Variants in VPS35L observed in about 807,000 individuals in gnomAD.
VPS35L encodes the protein VPS35 endosomal protein-sorting factor-like.
In VPS35L, 83 loss-of-function variants were observed where a neutral mutation model predicts 133.0. The observed-to-expected ratio is 0.62, with a 90% CI of 0.52 to 0.75. The LOEUF (loss-of-function observed/expected upper bound fraction) is 0.75, where lower values mean the gene tolerates loss of function less well. Ranked by LOEUF, VPS35L falls within the 30% of genes least tolerant of loss-of-function variation. The pLI, the probability that VPS35L is intolerant of heterozygous loss-of-function variation, is 0.00. For synonymous variants in VPS35L, 423 were observed against 449.9 expected, an observed-to-expected ratio of 0.94 and a Z score of 0.76; for missense variants, 1,083 against 1,206.8, an observed-to-expected ratio of 0.90 and a Z score of 1.52.
chr16:19,654,291 CT>C (rs1447845158), intron 26 of VPS35L, among the ~76,000 whole-genome samples: 1 of 152,078 alleles, frequency 6.6e-6, no homozygotes. Context: ...CAATCCGATG[CT>C]TTCTTACTGT....
chr16:19,612,319 T>C (rs1972750866), intron 12 of VPS35L, among the ~76,000 whole-genome samples: 1 of 152,068 alleles, frequency 6.6e-6, no homozygotes, highest in Non-Finnish European at 1.5e-5. Flanking sequence ...AGTGGTGCAA[T>C]CTCAGCTCAC....
chr16:19,601,528 A>G, intron 8 of VPS35L, 136 bp from the exon 9 acceptor site: 3 of 770,938 alleles, frequency 3.9e-6, no homozygotes, highest in Non-Finnish European at 6.1e-6. Flanking sequence ...AATCTGTCCC[A>G]CCAGGTGGCA....
intron 2 of VPS35L, among the ~76,000 whole-genome samples, chr16:19,566,899 G>A (rs936515647): frequency 9.2e-5 from 14 of 152,136 alleles, no homozygotes; most frequent in Middle Eastern, 3.4e-3. Context: ...ACAGGCGCCC[G>A]CCACCATGCC....
chr16:19,671,314 C>G (rs1974864151), intron 27 of VPS35L, among the ~76,000 whole-genome samples: 1 of 151,550 alleles, frequency 6.6e-6, no homozygotes, highest in South Asian at 2.1e-4. Flanking sequence ...ACTAAAAGTA[C>G]AAAAATTAGC....
At position 19,699,600 on chromosome 16, in the gene VPS35L, C is replaced by T. The variant is rs1270964011; in HGVS notation, c.2745C>T (p.Asn915=). 2 of 1,614,052 alleles carry T rather than the reference C, an allele frequency of 1.2e-6. No homozygotes were observed. Among genetic ancestry groups the T allele is most frequent in the African/African-American group, 1.3e-5 (1 of 74,940 alleles). The change falls in exon 30 of 31, where the codon AAC becomes AAT. Residue 915 remains asparagine (N), a synonymous_variant. Transcript: ENST00000417362. The surrounding 1 kb of genome is among the most constrained non-coding windows in gnomAD (Gnocchi z 4.2). ...ACAAGCTCAACCAGCTCTCCGTCAA[C>T]CTGTGGCACCTGGCACAGAGGCACG... ...RNNKLNQLSV[N]LWHLAQRHGC...
At chr16:19,653,017 C>T (rs1974183506) in intron 26 of VPS35L, among the ~76,000 whole-genome samples, 2 of 152,138 alleles carry the variant, frequency 1.3e-5, no homozygotes, top group South Asian at 2.1e-4. Context: ...TTGAACAGGT[C>T]GTTCCTGTGG....
chr16:19,610,297 G>T, intron 11 of VPS35L, 25 bp from the exon 12 acceptor site: 3 of 1,592,118 alleles, frequency 1.9e-6, no homozygotes, highest in African/African-American at 1.3e-5. Context: ...CGAATATAAT[G>T]CTGGCCTGTT....
intron 26 of VPS35L, among the ~76,000 whole-genome samples, chr16:19,663,052 A>G (rs1974538528): frequency 6.6e-6 from 1 of 152,082 alleles, no homozygotes; most frequent in South Asian, 2.1e-4. Context: ...GCTCATGGCT[A>G]TAATCCCAGC....
At chr16:19,653,567 C>G (rs1974202635) in intron 26 of VPS35L, among the ~76,000 whole-genome samples, 1 of 152,214 alleles carries the variant, frequency 6.6e-6, no homozygotes, top group African/African-American at 2.4e-5. Flanking sequence ...CAAGGCCATG[C>G]CCCTTCACCA....
chr16:19,585,940 C>T (rs1334660097), intron 7 of VPS35L, among the ~76,000 whole-genome samples: 1 of 152,044 alleles, frequency 6.6e-6, no homozygotes, highest in South Asian at 2.1e-4. Context: ...CTCTATGACT[C>T]CAGATGGAGT....
rs758229172 is a variant in VPS35L at position 19,626,182 on chromosome 16, G to A, written c.1230G>A (p.Leu410=). 5 of 1,593,620 alleles carry A rather than the reference G, an allele frequency of 3.1e-6. No individual in the cohort carries two copies. The South Asian group carries it at 5.6e-5, about 18-fold the overall frequency. The change falls in exon 15 of 31, where the codon CTG becomes CTA. Residue 410 remains leucine (L), a synonymous_variant. Transcript: ENST00000417362. ...QCISYHAPEA[L]LTEMMERCKK... ...TATTATTTTTAACATAATAGGCTCT[G>A]CTGACCGAGATGATGGAAAGGTGTA...
chr16:19,672,567 G>T (rs1308879340), intron 27 of VPS35L, among the ~76,000 whole-genome samples: 1 of 152,222 alleles, frequency 6.6e-6, no homozygotes, highest in Non-Finnish European at 1.5e-5. Flanking sequence ...CAAGTCTTCA[G>T]ACAGAGGGGA....
chr16:19,574,174 A>G (rs186888500), intron 4 of VPS35L, among the ~76,000 whole-genome samples: 290 of 152,276 alleles, frequency 1.9e-3, no homozygotes, highest in African/African-American at 6.5e-3. Context: ...TACGCTGGAG[A>G]AAAGTCTCGA....
rs1361602586 is a variant in VPS35L, at chr16:19,644,961, GGAA to G, written c.1929+17_1929+19del. On this transcript the variant is annotated intron_variant, in intron 23 of 30. Coordinates refer to ENST00000417362, the MANE Select transcript of VPS35L (RefSeq NM_020314.7). ...GATTTATAAAAATGGTAAGTATTAGGGAAGAAGTTTCAGTGCACTTGGAAGTGT... is the reference window on the plus strand; with the variant it reads ...GATTTATAAAAATGGTAAGTATTAGGGAAGTTTCAGTGCACTTGGAAGTGT... 6.4e-7 allele frequency: 1 copy of G among 1,563,936 alleles called. No individual in the cohort carries two copies. The highest frequency in any genetic ancestry group is 2.2e-5 in the East Asian group (1 of 44,524).
chr16:19,686,843 G>T (rs1221033871), intron 28 of VPS35L, among the ~76,000 whole-genome samples: 1 of 152,012 alleles, frequency 6.6e-6, no homozygotes, highest in Non-Finnish European at 1.5e-5. Context: ...CTCAGTCCAG[G>T]TCTCACTGAT....
At chr16:19,679,910 C>T (rs1975208513) in intron 27 of VPS35L, among the ~76,000 whole-genome samples, 2 of 152,246 alleles carry the variant, frequency 1.3e-5, no homozygotes, top group Non-Finnish European at 2.9e-5. Context: ...AATATGTACA[C>T]ACATTCACGT....
chr16:19,628,499 G>A (rs896767614), intron 16 of VPS35L, 138 bp from the exon 17 acceptor site: 1 of 519,218 alleles, frequency 1.9e-6, no homozygotes, highest in Middle Eastern at 4.1e-4. Context: ...ATGTGTGATA[G>A]AACTTTAGAA....
chr16:19,629,711 C>A, intron 17 of VPS35L, 56 bp from the exon 18 acceptor site: 2 of 1,507,142 alleles, frequency 1.3e-6, no homozygotes, highest in South Asian at 1.1e-5. Context: ...CTCCTGTTTG[C>A]TGTAATGCAT....
chr16:19,570,883 A>ATTTTTTT (rs1366924758), intron 3 of VPS35L, among the ~76,000 whole-genome samples: 5 of 67,758 alleles, frequency 7.4e-5, no homozygotes, highest in African/African-American at 3.6e-4. Flanking sequence ...ATATATATAT[A>ATTTTTTT]TATATATTTT....
Sources: allele counts gnomAD v4.1 joint callset (sites outside exome capture counted in the v4.1 genomes callset), GRCh38; gene constraint gnomAD v4.1.1; non-coding constraint Gnocchi (gnomAD v3.1); transcripts MANE v1.5; gene names NCBI Gene and HGNC (gene_info 2026-07-23, HGNC 2026-07-21).